Variants in SGCZ observed in about 807,000 individuals in gnomAD.
The protein encoded by SGCZ is sarcoglycan zeta.
In SGCZ, 40 loss-of-function variants were observed where a neutral mutation model predicts 41.3. The ratio of observed to expected loss-of-function variants is 0.97; its 90% CI spans 0.75 to 1.26. The LOEUF (loss-of-function observed/expected upper bound fraction) is 1.26. SGCZ is among the 50% of genes most tolerant of loss of function. SGCZ has a pLI of 0.00. For missense variants in SGCZ, 552 were observed against 369.8 expected (o/e 1.49, Z -4.04); for synonymous variants, 206 against 137.5 (o/e 1.50, Z -3.49).
rs187600722 is a variant in SGCZ at position 14,501,356 on chromosome 8, C to A, written c.234+53376G>T. ...ATTTCCCTTTCGCCAAATAACCTAA[C>A]ATAGTCACAGTTTCTGGGGAAGTCG... On this transcript the variant is annotated intron_variant, in intron 2 of 7. Coordinates refer to ENST00000382080, the MANE Select transcript of SGCZ (RefSeq NM_139167.4). Among the ~76,000 whole-genome samples, 20 of 152,076 alleles carry A rather than the reference C, an allele frequency of 1.3e-4. No homozygotes were observed. In the South Asian group the frequency reaches 3.3e-3, roughly 25 times the overall value.
chr8:15,145,230 A>C (rs1008734695), intron 1 of SGCZ, among the ~76,000 whole-genome samples: 5 of 152,174 alleles, frequency 3.3e-5, no homozygotes, highest in African/African-American at 9.7e-5. Context: ...TTGTACCTAT[A>C]GCTGATCAAC....
At chr8:15,113,376 G>A (rs1354114996) in intron 1 of SGCZ, among the ~76,000 whole-genome samples, 1 of 151,996 alleles carries the variant, frequency 6.6e-6, no homozygotes, top group Non-Finnish European at 1.5e-5. Context: ...TCTTCTCTCA[G>A]ACGAACCAGA....
At chr8:14,431,489 G>A (rs1171212580) in intron 2 of SGCZ, among the ~76,000 whole-genome samples, 1 of 152,152 alleles carries the variant, frequency 6.6e-6, no homozygotes, top group African/African-American at 2.4e-5. Context: ...CCAGCCACAT[G>A]TAGGAGAATG....
intron 1 of SGCZ, among the ~76,000 whole-genome samples, chr8:14,636,848 G>C (rs1425755814): frequency 2.0e-5 from 3 of 151,778 alleles, no homozygotes; most frequent in African/African-American, 7.2e-5. Flanking sequence ...AAAAGCGAAA[G>C]TCATTATGGA....
intron 1 of SGCZ, among the ~76,000 whole-genome samples, chr8:14,833,114 T>C (rs1292554557): frequency 6.6e-6 from 1 of 152,134 alleles, no homozygotes; most frequent in East Asian, 1.9e-4. Context: ...GTAGCCTATT[T>C]ATGAAAAGAA....
At chr8:14,628,657 G>T (rs1275959528) in intron 1 of SGCZ, among the ~76,000 whole-genome samples, 1 of 152,034 alleles carries the variant, frequency 6.6e-6, no homozygotes, top group East Asian at 1.9e-4. Flanking sequence ...AATGACAAGA[G>T]ACAAAACAAG....
intron 2 of SGCZ, among the ~76,000 whole-genome samples, chr8:14,348,222 A>G (rs1251241364): frequency 6.6e-6 from 1 of 152,122 alleles, no homozygotes; most frequent in Non-Finnish European, 1.5e-5. Context: ...CCACTCCTGC[A>G]TGTTTCCCAT....
chr8:14,542,795 T>G (rs1803510051), intron 2 of SGCZ, among the ~76,000 whole-genome samples: 1 of 152,102 alleles, frequency 6.6e-6, no homozygotes, highest in South Asian at 2.1e-4. Flanking sequence ...GTGTATTTCA[T>G]ATTTTAAAAA....
rs118028987 is a variant in SGCZ, at chr8:15,084,235, T to C, written c.39+153350A>G. 6.7e-3 allele frequency among the ~76,000 whole-genome samples: 1,026 copies of C among 152,324 alleles called. 8 individuals carry two copies. Among genetic ancestry groups the C allele is most frequent in the Non-Finnish European group, 0.011 (780 of 68,024 alleles). On this transcript the variant is annotated intron_variant, in intron 1 of 7. Transcript: ENST00000382080. ...TGTTCTATGTCCTTTATAGATATCA[T>C]TGACATCTTCTGATAAGTATTTCTA...
intron 3 of SGCZ, among the ~76,000 whole-genome samples, chr8:14,257,322 G>T (rs534496909): frequency 1.3e-5 from 2 of 151,360 alleles, no homozygotes; most frequent in East Asian, 1.9e-4. Flanking sequence ...ACTCCAGCCT[G>T]GGCAATGGAG....
chr8:14,427,425 G>C (rs58760181), intron 2 of SGCZ, among the ~76,000 whole-genome samples: 31,259 of 152,044 alleles, frequency 0.21, 3,798 homozygotes, highest in Non-Finnish European at 0.29. Flanking sequence ...TAAATTCTTT[G>C]AATACTTTAG....
At chr8:15,213,528 G>A (rs140001747) in intron 1 of SGCZ, among the ~76,000 whole-genome samples, 9 of 151,250 alleles carry the variant, frequency 6.0e-5, no homozygotes, top group African/African-American at 2.2e-4. Context: ...AACCTGTCTA[G>A]TATCTTTCTA....
At chr8:14,998,143 C>G (rs776935181) in intron 1 of SGCZ, among the ~76,000 whole-genome samples, 1 of 152,000 alleles carries the variant, frequency 6.6e-6, no homozygotes, top group Non-Finnish European at 1.5e-5. Context: ...GTAGGTAGCA[C>G]GAAATCATCA....
intron 1 of SGCZ, among the ~76,000 whole-genome samples, chr8:14,632,762 T>C (rs1335408167): frequency 6.6e-6 from 1 of 152,008 alleles, no homozygotes; most frequent in African/African-American, 2.4e-5. Flanking sequence ...TATTTCTATA[T>C]TGATTTAAAG....
At chr8:14,228,028 G>A (rs1806432998) in intron 4 of SGCZ, among the ~76,000 whole-genome samples, 1 of 130,082 alleles carries the variant, frequency 7.7e-6, no homozygotes, top group Admixed American at 7.8e-5. Context: ...CCCTAATACT[G>A]AAGTGAATGA....
intron 2 of SGCZ, among the ~76,000 whole-genome samples, chr8:14,469,605 C>G (rs1186386444): frequency 6.6e-6 from 1 of 151,628 alleles, no homozygotes; most frequent in Non-Finnish European, 1.5e-5. Context: ...GAATGATGGC[C>G]AGTATCCCTT....
At chr8:14,294,469 T>C (rs927265866) in intron 3 of SGCZ, among the ~76,000 whole-genome samples, 10 of 151,990 alleles carry the variant, frequency 6.6e-5, no homozygotes, top group East Asian at 1.9e-4. Flanking sequence ...GAAGAAAATA[T>C]ATAAAAACAT....
chr8:14,289,688 G>A (rs6530750), intron 3 of SGCZ, among the ~76,000 whole-genome samples: 109,081 of 151,816 alleles, frequency 0.72, 40,318 homozygotes, highest in Non-Finnish European at 0.8. Flanking sequence ...TATTGGCAAA[G>A]GCATCAACTG....
At chr8:15,189,358 G>C (rs934414129) in intron 1 of SGCZ, among the ~76,000 whole-genome samples, 2 of 152,098 alleles carry the variant, frequency 1.3e-5, no homozygotes, top group Non-Finnish European at 2.9e-5. Context: ...TTCTCTAGAG[G>C]AATCATGACC....
Sources: allele counts gnomAD v4.1 joint callset (sites outside exome capture counted in the v4.1 genomes callset), GRCh38; gene constraint gnomAD v4.1.1; transcripts MANE v1.5; gene names NCBI Gene and HGNC (gene_info 2026-07-23, HGNC 2026-07-21).